The following ATR variants were observed in gnomAD, a reference collection of about 807,000 sequenced individuals.
ATR encodes the protein serine/threonine-protein kinase ATR.
In ATR, 142 loss-of-function variants were observed where a neutral mutation model predicts 305.3. The observed-to-expected ratio is 0.47, with a 90% confidence interval of 0.41 to 0.53. The LOEUF is 0.53. Among genes scored for constraint, ATR ranks in the 20% least tolerant of loss-of-function variants. The probability of loss-of-function intolerance (pLI) is 0.00; values close to 1 mark genes in which losing one functional copy is unlikely to be tolerated. For synonymous variants in ATR, 1,050 were observed against 1,068.1 expected (o/e 0.98, Z 0.33); for missense variants, 2,135 against 3,133.1 (o/e 0.68, Z 7.60).
intron 21 of ATR, among the ~76,000 whole-genome samples, chr3:142,525,809 C>T (rs975982177): frequency 1.3e-5 from 2 of 152,212 alleles, no homozygotes; most frequent in African/African-American, 2.4e-5. Context: ...GCCAACTCCC[C>T]TTCCCCTTTG....
Position 142,449,384 on chromosome 3 carries a change from G to A in ATR, c.*45C>T, listed in dbSNP as rs780343094. ...ATACAACCACAGATTCATACCAAATGCATTACTTTTAGATTATTAACATAT... is the reference window on the plus strand; with the variant it reads ...ATACAACCACAGATTCATACCAAATACATTACTTTTAGATTATTAACATAT... On this transcript the variant is annotated 3_prime_UTR_variant, in exon 47 of 47. Coordinates refer to ENST00000350721, the MANE Select transcript of ATR (RefSeq NM_001184.4). 4.6e-6 allele frequency: 7 copies of A among 1,532,426 alleles called. No homozygotes were observed. The highest frequency in any genetic ancestry group is 6.3e-6 in the Non-Finnish European group (7 of 1,106,606). The allele number at this position is 1,532,426 out of a possible 1,614,324, so 94.9% of individuals were successfully genotyped here.
chr3:142,490,937 ACTT>A (rs979581302), intron 35 of ATR, among the ~76,000 whole-genome samples: 35 of 152,096 alleles, frequency 2.3e-4, no homozygotes, highest in Non-Finnish European at 3.2e-4. Flanking sequence ...TGTATCTTTT[ACTT>A]CTTTTTTTAT....
At chr3:142,468,473 A>C (rs925419024) in intron 38 of ATR, among the ~76,000 whole-genome samples, 10 of 152,190 alleles carry the variant, frequency 6.6e-5, no homozygotes, top group Non-Finnish European at 1.5e-5. Flanking sequence ...AAAGTGAAAA[A>C]TATGAAATTG....
chr3:142,461,700 T>C lies in ATR; in HGVS notation c.7192+240A>G, dbSNP rs116962432. Among the ~76,000 whole-genome samples the C allele has an allele frequency of 1.9e-4, 29 of 152,184 alleles. No individual in the cohort carries two copies. The East Asian group carries it at 5.6e-3, about 29-fold the overall frequency. On this transcript the variant is annotated intron_variant, in intron 42 of 46. Coordinates refer to ENST00000350721, the MANE Select transcript of ATR (RefSeq NM_001184.4). ...GAAAAACAAATATTCATATATAGTT[T>C]TGTAAGCTACCTCAAATCCTGTTGG...
chr3:142,545,939 G>A (rs953408240), intron 16 of ATR, among the ~76,000 whole-genome samples: 50 of 152,258 alleles, frequency 3.3e-4, no homozygotes, highest in African/African-American at 1.2e-3. Context: ...ATTTGGAATT[G>A]TTTGAGATGC....
chr3:142,450,405 T>C, intron 46 of ATR: 7 of 1,573,302 alleles, frequency 4.4e-6, no homozygotes, highest in Non-Finnish European at 6.1e-6. Flanking sequence ...GGCTGCTGTC[T>C]TCTTTCACTT....
chr3:142,529,445 A>G (rs1374129502), intron 21 of ATR, among the ~76,000 whole-genome samples: 2 of 152,180 alleles, frequency 1.3e-5, no homozygotes, highest in Admixed American at 1.3e-4. Context: ...GTTTATTAGA[A>G]TATAACATTT....
chr3:142,471,412 G>A lies in ATR; in HGVS notation c.6222-1229C>T, dbSNP rs190880681. On this transcript the variant is annotated intron_variant, in intron 36 of 46. Transcript: ENST00000350721. ...TTATGAATAATGTTGCTATGAACAC[G>A]AATGTACAGATATCTTTTTGAGACC... Among the ~76,000 whole-genome samples the A allele has an allele frequency of 1.6e-3, 248 of 152,188 alleles. 1 individual carries two copies. The highest frequency in any genetic ancestry group is 4.7e-3 in the African/African-American group (196 of 41,538).
At chr3:142,553,785 G>A (rs1159797403) in intron 11 of ATR, 40 bp downstream of exon 11, 1 of 1,610,008 alleles carries the variant, frequency 6.2e-7, no homozygotes, top group Non-Finnish European at 8.5e-7. Context: ...TTAGAGCTAG[G>A]TTGACGTAAA....
chr3:142,479,907 G>A (rs145150784), intron 36 of ATR, among the ~76,000 whole-genome samples: 2,728 of 152,222 alleles, frequency 0.018, 29 homozygotes, highest in South Asian at 0.041. Flanking sequence ...CATTCGTCAC[G>A]TAGTTCCTGT....
In ATR at chr3:142,512,240, A is replaced by AAT; in HGVS notation, c.4852+19_4852+20insAT. 1 of 1,561,792 alleles carries AAT rather than the reference A, an allele frequency of 6.4e-7. No individual in the cohort carries two copies. Among genetic ancestry groups the AAT allele is most frequent in the Non-Finnish European group, 8.8e-7 (1 of 1,142,816 alleles). On this transcript the variant is annotated intron_variant, in intron 27 of 46. Coordinates refer to ENST00000350721, the MANE Select transcript of ATR (RefSeq NM_001184.4). Reference sequence around the variant, plus strand: ...ATAGCTAAAAAAAAAAAAAAAAAAGAAACAGAAGTGATAACTCACCCATTG... The same window carrying AAT: ...ATAGCTAAAAAAAAAAAAAAAAAAGAATAACAGAAGTGATAACTCACCCATTG...
chr3:142,523,051 T>A (rs989247635), intron 22 of ATR, among the ~76,000 whole-genome samples: 7 of 152,198 alleles, frequency 4.6e-5, no homozygotes, highest in African/African-American at 1.7e-4. Context: ...TTTTAGGCTA[T>A]TTCTAAGGTG....
intron 37 of ATR, 95 bp downstream of exon 37, chr3:142,469,991 C>A: frequency 1.1e-6 from 1 of 948,838 alleles, no homozygotes; most frequent in Non-Finnish European, 1.6e-6. Flanking sequence ...AAATTCATTC[C>A]AAGCTTCTAG....
intron 33 of ATR, 110 bp from the exon 34 acceptor site, chr3:142,496,630 GT>G: frequency 8.7e-7 from 1 of 1,154,460 alleles, no homozygotes; most frequent in Non-Finnish European, 1.3e-6. Flanking sequence ...TAGTTCCAAT[GT>G]TTTGAAAGCC....
intron 22 of ATR, 101 bp from the exon 23 acceptor site, chr3:142,522,942 G>A (rs2108396911): frequency 1.1e-6 from 1 of 880,588 alleles, no homozygotes; most frequent in Admixed American, 1.9e-5. Flanking sequence ...CTGCGTAAGT[G>A]AATTTAACTT....
chr3:142,558,625 A>G lies in ATR; in HGVS notation c.1884T>C (p.Tyr628=). The stretch of plus-strand genomic sequence containing the variant: ...ACACACATTCTTGTGAGCACTTACA[A>G]TAGCTATCTGAAATCCTACAGCTTA... The part of the protein sequence containing the change: ...LTLSCRISDS[Y]SPQAQSRCVF... Residue 628 remains tyrosine, a splice_region_variant and synonymous_variant, in exon 8 of 47, where the codon TAT becomes TAC. Coordinates refer to ENST00000350721, the MANE Select transcript of ATR (RefSeq NM_001184.4). The G allele has an allele frequency of 6.2e-7, 1 of 1,611,834 alleles. No homozygotes were observed. The highest frequency in any genetic ancestry group is 8.5e-7 in the Non-Finnish European group (1 of 1,178,630).
chr3:142,482,174 T>G (rs2030548383), intron 36 of ATR, among the ~76,000 whole-genome samples: 1 of 152,124 alleles, frequency 6.6e-6, no homozygotes, highest in Non-Finnish European at 1.5e-5. Context: ...TATTTAAATG[T>G]TTTATGTACT....
Position 142,549,630 on chromosome 3 carries a change from C to T in ATR, c.3020G>A (p.Ser1007Asn), listed in dbSNP as rs531735564. The change falls in exon 15 of 47, where the codon AGC (serine) becomes AAC (asparagine). Residue 1007 changes from serine to asparagine, a missense_variant. This residue lies in a region of ATR where 530 missense variants were observed against 766.8 expected (regional missense o/e 0.69). Transcript: ENST00000350721. The part of the protein sequence containing the change: ...VLLPDLAAKA[S>N]PAASALIRTL... ...TCGAATGAGAGCAGAAGCTGCAGGG[C>T]TTGCTTTGGCAGCAAGATCAGGTAG... 10 of 1,613,572 alleles carry T rather than the reference C, an allele frequency of 6.2e-6. No individual in the cohort carries two copies. In the East Asian group the frequency reaches 2.0e-4, roughly 32 times the overall value.
chr3:142,547,312 G>A (rs1044472430), intron 16 of ATR, among the ~76,000 whole-genome samples: 1 of 152,146 alleles, frequency 6.6e-6, no homozygotes, highest in African/African-American at 2.4e-5. Context: ...AGTAGTCGGA[G>A]GGGCAGGGTG....
Sources: gnomAD v4.1 joint callset for allele counts (sites outside exome capture counted in the v4.1 genomes callset) on GRCh38, gnomAD v4.1.1 for gene constraint, gnomAD v4.1.1 regional missense constraint, MANE v1.5 for transcripts, NCBI Gene and HGNC (gene_info 2026-07-23, HGNC 2026-07-21) for gene names.